Variants in MIA2 observed in about 807,000 individuals in gnomAD.
The protein encoded by MIA2 is melanoma inhibitory activity protein 2.
Under a neutral mutation model 167.8 loss-of-function variants are expected in MIA2, and 127 were observed. That is an observed-to-expected ratio of 0.76 (90% CI 0.66 to 0.88). The LOEUF (loss-of-function observed/expected upper bound fraction) is 0.88. Among genes scored for constraint, MIA2 ranks in the 40% least tolerant of loss-of-function variants. The pLI is 0.00. For synonymous variants in MIA2, 552 were observed against 541.9 expected (o/e 1.02, Z -0.26); for missense variants, 1,690 against 1,624.7 (o/e 1.04, Z -0.69).
chr14:39,280,421 G>T (rs186723729), intron 9 of MIA2, among the ~76,000 whole-genome samples: 2 of 151,872 alleles, frequency 1.3e-5, no homozygotes, highest in African/African-American at 4.8e-5. Flanking sequence ...ATTAGGGCAG[G>T]TATAGTTTAA....
chr14:39,268,145 G>C (rs1336413775), intron 6 of MIA2, among the ~76,000 whole-genome samples: 1 of 152,152 alleles, frequency 6.6e-6, no homozygotes, highest in Non-Finnish European at 1.5e-5. Flanking sequence ...TCAAGTTGTA[G>C]AGATTTTTCT....
intron 6 of MIA2, among the ~76,000 whole-genome samples, chr14:39,259,898 C>A (rs760415722): frequency 2.0e-5 from 3 of 151,952 alleles, no homozygotes; most frequent in Non-Finnish European, 4.4e-5. Flanking sequence ...GTGATGTTCC[C>A]CACTCTGTGT....
chr14:39,377,126 G>A (rs1391975421), intron 23 of MIA2, among the ~76,000 whole-genome samples: 2 of 151,708 alleles, frequency 1.3e-5, no homozygotes, highest in Non-Finnish European at 2.9e-5. Context: ...CTGATCTTTT[G>A]TGGCTAGGAC....
At chr14:39,315,035 C>T (rs1595507399) in intron 20 of MIA2, 2 of 338,766 alleles carry the variant, frequency 5.9e-6, no homozygotes, top group Non-Finnish European at 1.0e-5. Context: ...GTAATCCCAG[C>T]ACTTTGGGAA....
downstream of MIA2, among the ~76,000 whole-genome samples, chr14:39,354,827 C>G (rs978912307): frequency 6.6e-6 from 1 of 152,114 alleles, no homozygotes; most frequent in African/African-American, 2.4e-5. Context: ...AATCCTTTCC[C>G]CATTTCTTGT....
At chr14:39,272,646 T>A (rs2057353154) in intron 6 of MIA2, among the ~76,000 whole-genome samples, 2 of 152,118 alleles carry the variant, frequency 1.3e-5, no homozygotes, top group South Asian at 4.1e-4. Context: ...GTGCCTGTAG[T>A]CCTGCTGCTT....
downstream of MIA2, among the ~76,000 whole-genome samples, chr14:39,354,409 G>T (rs1004459713): frequency 1.3e-5 from 2 of 151,768 alleles, no homozygotes; most frequent in African/African-American, 4.8e-5. Flanking sequence ...TGTTGATGGG[G>T]CTGTTTTTTT....
chr14:39,364,761 C>T (rs1274743961), intron 23 of MIA2, among the ~76,000 whole-genome samples: 1 of 151,508 alleles, frequency 6.6e-6, no homozygotes, highest in East Asian at 1.9e-4. Flanking sequence ...TTTTTTAGCA[C>T]TGCAATATAT....
chr14:39,359,031 C>T (rs976236555), intron 23 of MIA2, among the ~76,000 whole-genome samples: 4 of 152,210 alleles, frequency 2.6e-5, no homozygotes, highest in African/African-American at 9.6e-5. Flanking sequence ...TCTGTCTGTT[C>T]TCAGATCTCA....
intron 18 of MIA2, among the ~76,000 whole-genome samples, chr14:39,310,677 C>T (rs1409187831): frequency 1.3e-5 from 2 of 152,106 alleles, no homozygotes; most frequent in African/African-American, 4.8e-5. Flanking sequence ...TGAGAATCTA[C>T]TTTATCTATT....
At chr14:39,347,507 T>C in intron 26 of MIA2, 2 of 551,322 alleles carry the variant, frequency 3.6e-6, no homozygotes, top group Non-Finnish European at 6.4e-6. Flanking sequence ...AGAGAAATAA[T>C]TGCCACATGC....
chr14:39,347,589 T>C lies in MIA2; in HGVS notation c.3779-124T>C, dbSNP rs2073580835. 6 of 867,512 alleles carry C rather than the reference T, an allele frequency of 6.9e-6. 1 individual carries two copies. In the South Asian group the frequency reaches 7.3e-5, roughly 11 times the overall value. The allele number at this position is 867,512 out of a possible 1,614,324, so 53.7% of individuals were successfully genotyped here. A position where few individuals can be genotyped will look rare whatever the true frequency, so the allele number is the denominator to read the frequency against. On this transcript the variant is annotated intron_variant, in intron 26 of 28. Transcript: ENST00000640607. The stretch of plus-strand genomic sequence containing the variant: ...GTTCTTGTGGCCGCAATATAGGATA[T>C]TGGTGTCCAGCTGGCTTATGTGCCA...
At chr14:39,329,951 C>G (rs57489268) in intron 25 of MIA2, among the ~76,000 whole-genome samples, 2,554 of 152,086 alleles carry the variant, frequency 0.017, 80 homozygotes, top group African/African-American at 0.058. Context: ...GTGTCTCTGC[C>G]AGGTTTTGGT....
chr14:39,337,671 A>G (rs1275854383), intron 25 of MIA2, among the ~76,000 whole-genome samples: 1 of 152,210 alleles, frequency 6.6e-6, no homozygotes, highest in Non-Finnish European at 1.5e-5. Context: ...GGTTGAGTGA[A>G]GAAAACCAGT....
At chr14:39,376,001 T>C (rs779085582) in intron 23 of MIA2, among the ~76,000 whole-genome samples, 3 of 152,216 alleles carry the variant, frequency 2.0e-5, no homozygotes, top group Non-Finnish European at 2.9e-5. Flanking sequence ...TTGCCCAGGC[T>C]GGAGTGCAGT....
chr14:39,307,901 A>G (rs1295999651), intron 17 of MIA2, among the ~76,000 whole-genome samples: 2 of 152,020 alleles, frequency 1.3e-5, no homozygotes, highest in African/African-American at 4.8e-5. Flanking sequence ...ATCTCATACA[A>G]GTAAAGAGTG....
At chr14:39,300,722 C>T (rs979110432) in intron 14 of MIA2, among the ~76,000 whole-genome samples, 17 of 150,674 alleles carry the variant, frequency 1.1e-4, no homozygotes, top group Admixed American at 7.3e-4. Context: ...ATGTAAATGA[C>T]GAGTTAATGG....
At chr14:39,362,418 ATTGTAT>A (rs2074703519) in intron 23 of MIA2, among the ~76,000 whole-genome samples, 1 of 151,968 alleles carries the variant, frequency 6.6e-6, no homozygotes, top group African/African-American at 2.4e-5. Context: ...ACCTTGGTAG[ATTGTAT>A]TTGTCTAGGA....
intron 6 of MIA2, chr14:39,266,010 A>G: frequency 1.0e-6 from 1 of 985,436 alleles, no homozygotes; most frequent in Admixed American, 6.1e-5. Flanking sequence ...GCTAGGCCGC[A>G]TTTTGGTCCT....
Sources: gnomAD v4.1 joint callset for allele counts (sites outside exome capture counted in the v4.1 genomes callset) on GRCh38, gnomAD v4.1.1 for gene constraint, MANE v1.5 for transcripts, NCBI Gene and HGNC (gene_info 2026-07-23, HGNC 2026-07-21) for gene names.